CHST11: variants seen among roughly 807,000 people sequenced by gnomAD.
CHST11 encodes C4S-1.
In CHST11, 9 loss-of-function variants were observed where a neutral mutation model predicts 30.4. That is an observed-to-expected ratio of 0.30 (90% CI 0.18 to 0.52). The LOEUF is 0.52. CHST11 is among the 20% of genes least tolerant of loss of function. CHST11 has a pLI of 0.97. For synonymous variants in CHST11, 152 were observed against 187.8 expected (o/e 0.81, Z 1.56); for missense variants, 348 against 460.6 (o/e 0.76, Z 2.24).
rs192145073 is a variant in CHST11, at chr12:104,461,326, C to T, written c.118+3797C>T. Reference sequence around the variant, plus strand: ...CCATAGAACAGACACCTTCTATGGCCGTGAACTATTCCTAAAGCTAGGGAG... The same window carrying T: ...CCATAGAACAGACACCTTCTATGGCTGTGAACTATTCCTAAAGCTAGGGAG... On this transcript the variant is annotated intron_variant, in intron 1 of 2. Transcript: ENST00000303694. Among the ~76,000 whole-genome samples, 352 of 152,300 alleles carry T rather than the reference C, an allele frequency of 2.3e-3. 2 individuals are homozygous for T. Among genetic ancestry groups the T allele is most frequent in the African/African-American group, 8.1e-3 (337 of 41,554 alleles).
At chr12:104,714,957 C>G (rs2040118650) in intron 2 of CHST11, among the ~76,000 whole-genome samples, 2 of 152,216 alleles carry the variant, frequency 1.3e-5, no homozygotes, top group Admixed American at 6.5e-5. Context: ...GGTAGCTGAC[C>G]TCGAGGCAGA....
chr12:104,566,734 C>T (rs1034594666), intron 1 of CHST11, among the ~76,000 whole-genome samples: 5 of 152,060 alleles, frequency 3.3e-5, no homozygotes, highest in East Asian at 1.9e-4. Context: ...ACCCTCTGTT[C>T]GGGAAATTAC....
intron 2 of CHST11, among the ~76,000 whole-genome samples, chr12:104,728,273 C>T (rs1425147422): frequency 6.6e-6 from 1 of 152,110 alleles, no homozygotes; most frequent in African/African-American, 2.4e-5. Flanking sequence ...TAAAACTTCC[C>T]CATAGCTGTG....
intron 1 of CHST11, among the ~76,000 whole-genome samples, chr12:104,546,346 T>C (rs923639872): frequency 5.0e-5 from 5 of 100,670 alleles, no homozygotes; most frequent in African/African-American, 1.5e-4. Context: ...TGCATGCCTG[T>C]AGTCCCAGCT....
rs967035496 is a variant in CHST11 at position 104,485,576 on chromosome 12, A to G, written c.118+28047A>G. ...CCAGCTCCAACTTCAGGGTTGTTCA[A>G]TGTCTGTGTGCAGTTGTGACAATGG... On this transcript the variant is annotated intron_variant, in intron 1 of 2. Coordinates refer to ENST00000303694, the MANE Select transcript of CHST11 (RefSeq NM_018413.6). Among the ~76,000 whole-genome samples, 6 of 88,502 alleles carry G rather than the reference A, an allele frequency of 6.8e-5. No individual in the cohort carries two copies. In the East Asian group the frequency reaches 1.0e-3, roughly 15 times the overall value. 58.1% of individuals were successfully genotyped at this position (88,502 alleles called of 152,430 possible).
chr12:104,711,744 T>G (rs1422199490), intron 2 of CHST11, among the ~76,000 whole-genome samples: 1 of 151,998 alleles, frequency 6.6e-6, no homozygotes, highest in Non-Finnish European at 1.5e-5. Context: ...ATAAAAAACT[T>G]TGGAAGGAAA....
intron 2 of CHST11, among the ~76,000 whole-genome samples, chr12:104,664,070 C>T (rs1240643276): frequency 1.3e-5 from 2 of 152,178 alleles, no homozygotes; most frequent in African/African-American, 4.8e-5. Flanking sequence ...TTACTTCCAG[C>T]GAGCTATCTA....
In CHST11 at chr12:104,689,510, C is replaced by T. The variant is rs12581735; in HGVS notation, c.205-67439C>T. On this transcript the variant is annotated intron_variant, in intron 2 of 2. Coordinates refer to ENST00000303694, the MANE Select transcript of CHST11 (RefSeq NM_018413.6). ...AATTCTCTTTCATGCATTCATTCAGCAACCTTGTATCATGCACTTACTATA... is the reference window on the plus strand; with the variant it reads ...AATTCTCTTTCATGCATTCATTCAGTAACCTTGTATCATGCACTTACTATA... 7.8e-3 allele frequency among the ~76,000 whole-genome samples: 1,187 copies of T among 152,356 alleles called. 15 individuals carry two copies. Among genetic ancestry groups the T allele is most frequent in the East Asian group, 0.064 (332 of 5,192 alleles).
At chr12:104,540,029 A>G (rs2038272402) in intron 1 of CHST11, among the ~76,000 whole-genome samples, 1 of 152,116 alleles carries the variant, frequency 6.6e-6, no homozygotes, top group Non-Finnish European at 1.5e-5. Context: ...CCTCCCATAT[A>G]CTTTACTCTC....
At chr12:104,568,688 G>A (rs1312725080) in intron 1 of CHST11, among the ~76,000 whole-genome samples, 3 of 152,084 alleles carry the variant, frequency 2.0e-5, no homozygotes, top group Non-Finnish European at 4.4e-5. Context: ...AAACCTGCAG[G>A]CAGTATTATC....
At chr12:104,726,704 G>C (rs1268697076) in intron 2 of CHST11, among the ~76,000 whole-genome samples, 1 of 152,122 alleles carries the variant, frequency 6.6e-6, no homozygotes, top group Non-Finnish European at 1.5e-5. Flanking sequence ...GATTTGAGCG[G>C]CATCAAAACC....
At chr12:104,648,608 G>A (rs1245562707) in intron 2 of CHST11, among the ~76,000 whole-genome samples, 2 of 152,070 alleles carry the variant, frequency 1.3e-5, no homozygotes, top group Non-Finnish European at 2.9e-5. Context: ...TCAGGAGTTC[G>A]AGACCAGCCT....
chr12:104,484,725 A>G (rs1466277333), intron 1 of CHST11, among the ~76,000 whole-genome samples: 3 of 152,238 alleles, frequency 2.0e-5, no homozygotes, highest in African/African-American at 7.2e-5. Context: ...TTTAGTAACA[A>G]TGGCGTTAAG....
At chr12:104,583,047 C>A (rs1049247135) in intron 1 of CHST11, among the ~76,000 whole-genome samples, 4 of 151,952 alleles carry the variant, frequency 2.6e-5, no homozygotes, top group African/African-American at 4.8e-5. Context: ...ACCTGCCTGG[C>A]CAACTTGGAG....
Position 104,734,866 on chromosome 12 carries a change from G to A in CHST11, c.205-22083G>A, listed in dbSNP as rs564813439. Among the ~76,000 whole-genome samples the A allele has an allele frequency of 3.3e-5, 5 of 152,318 alleles. No individual in the cohort carries two copies. The South Asian group carries it at 8.3e-4, about 25-fold the overall frequency. ...AGGAGGGTTTGGGATGCTTAGACAAGGGTGGGGCCTGCGTTTATCTGATAA... is the reference window on the plus strand; with the variant it reads ...AGGAGGGTTTGGGATGCTTAGACAAAGGTGGGGCCTGCGTTTATCTGATAA... On this transcript the variant is annotated intron_variant, in intron 2 of 2. Coordinates refer to ENST00000303694, the MANE Select transcript of CHST11 (RefSeq NM_018413.6).
chr12:104,546,893 G>A (rs2038356302), intron 1 of CHST11, among the ~76,000 whole-genome samples: 1 of 152,250 alleles, frequency 6.6e-6, no homozygotes. Flanking sequence ...GTCCCAGGCT[G>A]TGCCTTTTAG....
intron 1 of CHST11, among the ~76,000 whole-genome samples, chr12:104,536,034 G>A (rs908039091): frequency 1.1e-4 from 16 of 152,170 alleles, no homozygotes; most frequent in African/African-American, 3.6e-4. Flanking sequence ...AGAAATGAGG[G>A]TGAGACTGTA....
At chr12:104,501,562 C>T (rs975329428) in intron 1 of CHST11, among the ~76,000 whole-genome samples, 3 of 152,228 alleles carry the variant, frequency 2.0e-5, no homozygotes, top group Non-Finnish European at 4.4e-5. Context: ...CACAGATGCT[C>T]ATTTGACCTG....
chr12:104,618,206 T>G (rs2039126256), intron 2 of CHST11, among the ~76,000 whole-genome samples: 1 of 147,814 alleles, frequency 6.8e-6, no homozygotes, highest in Non-Finnish European at 1.5e-5. Flanking sequence ...TGTGCCTGGC[T>G]TCTTCTTCTT....
Sources: gnomAD v4.1 joint callset for allele counts (sites outside exome capture counted in the v4.1 genomes callset) on GRCh38, gnomAD v4.1.1 for gene constraint, MANE v1.5 for transcripts, NCBI Gene and HGNC (gene_info 2026-07-23, HGNC 2026-07-21) for gene names.